Variants in DENND1A observed in about 807,000 individuals in gnomAD.
DENND1A encodes DENN domain-containing protein 1A.
In DENND1A, 51 loss-of-function variants were observed where a neutral mutation model predicts 113.7. The observed-to-expected ratio is 0.45, with a 90% CI of 0.36 to 0.57. The LOEUF (loss-of-function observed/expected upper bound fraction) is 0.57. Among genes scored for constraint, DENND1A ranks in the 20% least tolerant of loss-of-function variants. The pLI is 0.00. For missense variants in DENND1A, 1,258 were observed against 1,395.9 expected (o/e 0.90, Z 1.57); for synonymous variants, 565 against 570.8 (o/e 0.99, Z 0.14).
intron 11 of DENND1A, among the ~76,000 whole-genome samples, chr9:123,596,102 T>C (rs2059678192): frequency 6.6e-6 from 1 of 152,174 alleles, no homozygotes; most frequent in South Asian, 2.1e-4. Flanking sequence ...CTCCATAAGA[T>C]GAGAAGCATG....
At chr9:123,395,466 C>CTG (rs1323869628) in intron 21 of DENND1A, among the ~76,000 whole-genome samples, 20 of 71,222 alleles carry the variant, frequency 2.8e-4, no homozygotes, top group African/African-American at 1.7e-3. Context: ...TACTCTCTCT[C>CTG]TCTGTGTGTG....
At chr9:123,498,637 G>T (rs1042946901) in intron 13 of DENND1A, among the ~76,000 whole-genome samples, 1 of 152,202 alleles carries the variant, frequency 6.6e-6, no homozygotes, top group Non-Finnish European at 1.5e-5. Context: ...CAGTAAAGAT[G>T]GGGGCCAGGG....
At chr9:123,452,834 T>C (rs2047835957) in intron 16 of DENND1A, among the ~76,000 whole-genome samples, 1 of 152,188 alleles carries the variant, frequency 6.6e-6, no homozygotes, top group Non-Finnish European at 1.5e-5. Flanking sequence ...ACCGTGCAAC[T>C]TCCTTTTCTT....
intron 3 of DENND1A, among the ~76,000 whole-genome samples, chr9:123,792,066 C>G (rs1354414449): frequency 6.6e-6 from 1 of 152,156 alleles, no homozygotes; most frequent in Non-Finnish European, 1.5e-5. Flanking sequence ...ATGGTAGAGC[C>G]AACTGGCCAA....
At chr9:123,905,757 G>C (rs1852690409) in intron 1 of DENND1A, among the ~76,000 whole-genome samples, 1 of 150,234 alleles carries the variant, frequency 6.7e-6, no homozygotes, top group Non-Finnish European at 1.5e-5. Context: ...CATTAATAAT[G>C]GGAGACTTTA....
chr9:123,770,036 C>T (rs1045415218), intron 3 of DENND1A, among the ~76,000 whole-genome samples: 1 of 152,180 alleles, frequency 6.6e-6, no homozygotes, highest in African/African-American at 2.4e-5. Flanking sequence ...ACAGCAGAAT[C>T]GAAAGCCAAC....
chr9:123,754,776 A>G (rs907218928), intron 5 of DENND1A, among the ~76,000 whole-genome samples: 1 of 152,258 alleles, frequency 6.6e-6, no homozygotes, highest in Admixed American at 6.5e-5. Context: ...CTAAAGGATG[A>G]AAGCACGAAG....
intron 2 of DENND1A, chr9:123,843,269 T>C: frequency 2.2e-6 from 1 of 462,636 alleles, no homozygotes; most frequent in Non-Finnish European, 4.3e-6. Context: ...CAAGGTAACT[T>C]GATTTTTGAA....
At chr9:123,578,171 A>G (rs886745811) in intron 12 of DENND1A, among the ~76,000 whole-genome samples, 1 of 152,076 alleles carries the variant, frequency 6.6e-6, no homozygotes. Flanking sequence ...CTCCCCTTCA[A>G]ACTGTTCTTT....
intron 13 of DENND1A, among the ~76,000 whole-genome samples, chr9:123,554,467 C>A (rs1362139703): frequency 6.6e-6 from 1 of 152,194 alleles, no homozygotes; most frequent in Non-Finnish European, 1.5e-5. Flanking sequence ...CTGCCCCAAG[C>A]AATCTTACAT....
At chr9:123,704,563 A>G (rs1397032647) in intron 5 of DENND1A, among the ~76,000 whole-genome samples, 2 of 152,232 alleles carry the variant, frequency 1.3e-5, no homozygotes, top group Non-Finnish European at 2.9e-5. Flanking sequence ...GGTAATAGCC[A>G]GAAGCATAGT....
At chr9:123,659,596 C>G (rs950964296) in intron 8 of DENND1A, among the ~76,000 whole-genome samples, 1 of 152,228 alleles carries the variant, frequency 6.6e-6, no homozygotes, top group Admixed American at 6.5e-5. Context: ...GCATCTCCAT[C>G]AAACCAGACA....
At chr9:123,879,954 T>C (rs1341598328) in intron 1 of DENND1A, among the ~76,000 whole-genome samples, 3 of 152,194 alleles carry the variant, frequency 2.0e-5, no homozygotes, top group Non-Finnish European at 4.4e-5. Context: ...ATGGTAACTG[T>C]ATGAATTTTT....
chr9:123,615,887 C>G (rs1589365934), intron 10 of DENND1A, among the ~76,000 whole-genome samples: 1 of 152,288 alleles, frequency 6.6e-6, no homozygotes, highest in East Asian at 1.9e-4. Flanking sequence ...GCTCCAGCCA[C>G]CTTATCTCAT....
intron 19 of DENND1A, chr9:123,414,560 G>T: frequency 1.3e-6 from 2 of 1,550,506 alleles, no homozygotes; most frequent in South Asian, 1.2e-5. Flanking sequence ...GCTGTCTTCT[G>T]TCTTGCTCCT....
At chr9:123,462,757 A>G (rs1004583101) in intron 13 of DENND1A, among the ~76,000 whole-genome samples, 1 of 152,128 alleles carries the variant, frequency 6.6e-6, no homozygotes, top group African/African-American at 2.4e-5. Flanking sequence ...AGATCACACC[A>G]TTGCACTCCA....
chr9:123,531,129 TG>T (rs2055259949), intron 13 of DENND1A, among the ~76,000 whole-genome samples: 1 of 152,200 alleles, frequency 6.6e-6, no homozygotes, highest in Admixed American at 6.5e-5. Flanking sequence ...TTTACTATTC[TG>T]GGTTAGACTT....
At chr9:123,755,301 C>CT (rs1404236316) in intron 5 of DENND1A, among the ~76,000 whole-genome samples, 1 of 149,986 alleles carries the variant, frequency 6.7e-6, no homozygotes, top group Non-Finnish European at 1.5e-5. Context: ...TTTGTATTTT[C>CT]TTTCTTTCTT....
At chr9:123,655,333 G>T (rs1000071102) in intron 8 of DENND1A, among the ~76,000 whole-genome samples, 2 of 152,182 alleles carry the variant, frequency 1.3e-5, no homozygotes, top group Admixed American at 6.5e-5. Flanking sequence ...AATGGCTGAG[G>T]GTGCTGGTCC....
Sources: allele counts gnomAD v4.1 joint callset (sites outside exome capture counted in the v4.1 genomes callset), GRCh38; gene constraint gnomAD v4.1.1; transcripts MANE v1.5; gene names NCBI Gene and HGNC (gene_info 2026-07-23, HGNC 2026-07-21).